The following GPC5 variants were observed in gnomAD, a reference collection of about 807,000 sequenced individuals.
GPC5 encodes glypican-5.
A neutral mutation model predicts 53.9 loss-of-function variants in GPC5; 47 were observed. That is an observed-to-expected ratio of 0.87 (90% CI 0.69 to 1.11). The LOEUF is 1.11. GPC5 is among the 50% of genes most tolerant of loss of function. The pLI is 0.00. For missense variants in GPC5, 748 were observed against 713.1 expected, an observed-to-expected ratio of 1.05 and a Z score of -0.56; for synonymous variants, 286 against 263.3, an observed-to-expected ratio of 1.09 and a Z score of -0.84.
intron 7 of GPC5, among the ~76,000 whole-genome samples, chr13:92,186,840 T>C (rs2042187462): frequency 6.6e-6 from 1 of 152,114 alleles, no homozygotes. Context: ...AAAAATTTAC[T>C]TCCGCTCATG....
At chr13:92,809,722 C>G (rs1400576843) in intron 7 of GPC5, among the ~76,000 whole-genome samples, 1 of 152,024 alleles carries the variant, frequency 6.6e-6, no homozygotes, top group Non-Finnish European at 1.5e-5. Context: ...CACAGATCAC[C>G]ATAACAGGTG....
intron 7 of GPC5, among the ~76,000 whole-genome samples, chr13:92,733,298 C>T (rs1049199000): frequency 2.6e-5 from 4 of 151,558 alleles, no homozygotes; most frequent in African/African-American, 7.3e-5. Context: ...AAGCACATGC[C>T]TTATTAGATT....
chr13:92,459,508 A>C (rs548154390), intron 7 of GPC5, among the ~76,000 whole-genome samples: 1 of 152,350 alleles, frequency 6.6e-6, no homozygotes, highest in Non-Finnish European at 1.5e-5. Context: ...TTCTTGGCAC[A>C]GAAGAAGTCG....
intron 4 of GPC5, among the ~76,000 whole-genome samples, chr13:91,728,971 G>C (rs1008114830): frequency 6.6e-6 from 1 of 152,142 alleles, no homozygotes; most frequent in Non-Finnish European, 1.5e-5. Flanking sequence ...CAGTGTGACT[G>C]AGGATTGAAT....
intron 6 of GPC5, among the ~76,000 whole-genome samples, chr13:92,085,631 A>G (rs987528926): frequency 1.3e-5 from 2 of 152,332 alleles, no homozygotes; most frequent in Admixed American, 1.3e-4. Flanking sequence ...ACATATAATG[A>G]AACAGTTATA....
intron 7 of GPC5, among the ~76,000 whole-genome samples, chr13:92,681,945 T>C (rs1269839515): frequency 6.6e-6 from 1 of 152,210 alleles, no homozygotes; most frequent in Non-Finnish European, 1.5e-5. Context: ...AGTCTTCAAA[T>C]GTCCAGTATG....
Position 91,502,229 on chromosome 13 carries a change from T to C in GPC5, c.325+53307T>C, listed in dbSNP as rs556106620. On this transcript the variant is annotated intron_variant, in intron 2 of 7. Transcript: ENST00000377067. Reference sequence around the variant, plus strand: ...ACTCTGATGGTAGTTTCTTTTGCTGTGCAGAAGCTCTTTAGTTTAATTAGA... The same window carrying C: ...ACTCTGATGGTAGTTTCTTTTGCTGCGCAGAAGCTCTTTAGTTTAATTAGA... Among the ~76,000 whole-genome samples the C allele has an allele frequency of 3.0e-3, 460 of 152,276 alleles. 7 individuals carry two copies. Among genetic ancestry groups the C allele is most frequent in the Non-Finnish European group, 5.2e-3 (356 of 68,016 alleles).
At chr13:92,103,285 A>G (rs998080817) in intron 6 of GPC5, among the ~76,000 whole-genome samples, 4 of 152,130 alleles carry the variant, frequency 2.6e-5, no homozygotes, top group African/African-American at 9.7e-5. Flanking sequence ...AACATAACTG[A>G]GGCTGAAAAC....
chr13:91,912,995 C>A (rs545168397), intron 6 of GPC5, among the ~76,000 whole-genome samples: 5 of 152,128 alleles, frequency 3.3e-5, no homozygotes, highest in South Asian at 2.1e-4. Flanking sequence ...CATCATTGGG[C>A]TCTCTAGAGA....
chr13:92,230,138 C>G (rs2042519325), intron 7 of GPC5, among the ~76,000 whole-genome samples: 1 of 152,114 alleles, frequency 6.6e-6, no homozygotes, highest in African/African-American at 2.4e-5. Flanking sequence ...TGTGAAATAA[C>G]TAGACCAGGG....
At chr13:91,602,531 A>G (rs576012531) in intron 2 of GPC5, among the ~76,000 whole-genome samples, 1 of 152,358 alleles carries the variant, frequency 6.6e-6, no homozygotes, top group South Asian at 2.1e-4. Context: ...TGCACCAAAA[A>G]ATATGCAGCA....
chr13:91,427,937 T>C (rs546455580), intron 1 of GPC5, among the ~76,000 whole-genome samples: 1 of 152,272 alleles, frequency 6.6e-6, no homozygotes, highest in South Asian at 2.1e-4. Context: ...ACAGAGTCTC[T>C]CTTGCCTGAT....
chr13:92,436,144 A>T (rs1877295781), intron 7 of GPC5, among the ~76,000 whole-genome samples: 1 of 152,184 alleles, frequency 6.6e-6, no homozygotes, highest in Admixed American at 6.6e-5. Flanking sequence ...ATTAATGTTG[A>T]TGGAAAAATG....
At chr13:92,282,325 A>C (rs1248898715) in intron 7 of GPC5, among the ~76,000 whole-genome samples, 1 of 152,226 alleles carries the variant, frequency 6.6e-6, no homozygotes, top group Non-Finnish European at 1.5e-5. Flanking sequence ...AACACTCTGC[A>C]GGATATTATT....
chr13:92,629,551 A>C (rs1740189199), intron 7 of GPC5, among the ~76,000 whole-genome samples: 1 of 152,224 alleles, frequency 6.6e-6, no homozygotes, highest in Non-Finnish European at 1.5e-5. Context: ...AAAGTAAGAT[A>C]GTAGATAAAC....
At position 92,697,306 on chromosome 13, in the gene GPC5, G is replaced by A. The variant is rs181012338; in HGVS notation, c.1562-168976G>A. Among the ~76,000 whole-genome samples, 237 of 152,170 alleles carry A rather than the reference G, an allele frequency of 1.6e-3. 5 individuals are homozygous for A. The highest frequency in any genetic ancestry group is 8.1e-3 in the East Asian group (42 of 5,176). ...ATTTGGGCAGTACAGCCATTTTCACGATATTGATTCTTCCTATCCATGAGC... is the reference window on the plus strand; with the variant it reads ...ATTTGGGCAGTACAGCCATTTTCACAATATTGATTCTTCCTATCCATGAGC... On this transcript the variant is annotated intron_variant, in intron 7 of 7. Transcript: ENST00000377067.
intron 7 of GPC5, among the ~76,000 whole-genome samples, chr13:92,385,782 TGTATATATATACATATATAC>T (rs1299687846): frequency 8.5e-6 from 1 of 117,766 alleles, no homozygotes; most frequent in Non-Finnish European, 1.7e-5. Context: ...TATACATATA[TGTATATATATACATATATAC>T]GTATATATAT....
intron 1 of GPC5, among the ~76,000 whole-genome samples, chr13:91,440,181 C>T (rs940237720): frequency 3.9e-5 from 6 of 152,046 alleles, no homozygotes; most frequent in Non-Finnish European, 5.9e-5. Context: ...TTTTACCAGC[C>T]CTGTTTTCTC....
At chr13:91,727,918 A>G (rs544852424) in intron 3 of GPC5, among the ~76,000 whole-genome samples, 1 of 152,338 alleles carries the variant, frequency 6.6e-6, no homozygotes, top group South Asian at 2.1e-4. Context: ...TTACTGGATA[A>G]GTATTAAAGA....
Sources: gnomAD v4.1 joint callset for allele counts (sites outside exome capture counted in the v4.1 genomes callset) on GRCh38, gnomAD v4.1.1 for gene constraint, MANE v1.5 for transcripts, NCBI Gene and HGNC (gene_info 2026-07-23, HGNC 2026-07-21) for gene names.